The following POLR1F variants were observed in gnomAD, a reference collection of about 807,000 sequenced individuals.
POLR1F encodes DNA-directed RNA polymerase I subunit RPA43.
Under a neutral mutation model 21.8 loss-of-function variants are expected in POLR1F, and 23 were observed. The ratio of observed to expected loss-of-function variants is 1.05; its 90% CI spans 0.76 to 1.49. The LOEUF (loss-of-function observed/expected upper bound fraction) is 1.49. Among genes scored for constraint, POLR1F ranks in the 40% most tolerant of loss-of-function variants. POLR1F has a pLI of 0.00. For missense variants in POLR1F, 435 were observed against 412.1 expected (o/e 1.06, Z -0.48); for synonymous variants, 162 against 152.8 (o/e 1.06, Z -0.45).
intron 2 of POLR1F, among the ~76,000 whole-genome samples, chr7:19,702,553 A>G (rs1783459398): frequency 1.3e-5 from 2 of 152,238 alleles, no homozygotes; most frequent in Admixed American, 6.5e-5. Flanking sequence ...TCATAAACAT[A>G]TAAAATGATA....
intron 3 of POLR1F, among the ~76,000 whole-genome samples, chr7:19,699,430 T>C (rs534391990): frequency 3.0e-4 from 46 of 152,190 alleles, no homozygotes; most frequent in Non-Finnish European, 5.1e-4. Context: ...GTGAGGCTGC[T>C]GTACTATGTA....
At position 19,696,903 on chromosome 7, in the gene POLR1F, T is replaced by C. The variant is rs1251410770; in HGVS notation, c.*1413A>G. Reference sequence around the variant, plus strand: ...ACATTTCCAGGGCTCAATAGTCACATGAATCTCAATTGTAATCAAAGAGGT... The same window carrying C: ...ACATTTCCAGGGCTCAATAGTCACACGAATCTCAATTGTAATCAAAGAGGT... On this transcript the variant is annotated 3_prime_UTR_variant, in exon 4 of 4. Coordinates refer to ENST00000222567, the MANE Select transcript of POLR1F (RefSeq NM_001002926.2). 1.3e-5 allele frequency: 2 copies of C among 152,116 alleles called. No homozygotes were observed. Among genetic ancestry groups the C allele is most frequent in the African/African-American group, 4.8e-5 (2 of 41,458 alleles). 9.4% of individuals were successfully genotyped at this position (152,116 alleles called of 1,614,324 possible).
rs1783401621 is a variant in POLR1F, at chr7:19,698,386, CTG to C, written c.945_946del (p.His315GlnfsTer2). ...AGGTGGGGTAAATTCGGCCTCTTCA[CTG>C]TGTTTTCTTTTCTTTTTTTTCTTTT... On this transcript the variant is annotated frameshift_variant, in exon 4 of 4. Transcript: ENST00000222567. LOFTEE classifies it low-confidence loss of function (END_TRUNC). 1.3e-6 allele frequency: 2 copies of C among 1,597,364 alleles called. No individual in the cohort carries two copies. The highest frequency in any genetic ancestry group is 1.4e-5 in the African/African-American group (1 of 73,496).
intron 2 of POLR1F, among the ~76,000 whole-genome samples, chr7:19,704,263 A>G (rs1011035810): frequency 6.6e-6 from 1 of 152,232 alleles, no homozygotes; most frequent in Non-Finnish European, 1.5e-5. Flanking sequence ...AGAGTAAAAA[A>G]GGATCTATTT....
At chr7:19,708,626 G>T in intron 1 of POLR1F, 137 bp downstream of exon 1, 1 of 1,238,774 alleles carries the variant, frequency 8.1e-7, no homozygotes, top group Non-Finnish European at 1.1e-6. Flanking sequence ...GACGGATCGC[G>T]ACTCTAGAAA....
intron 1 of POLR1F, 93 bp downstream of exon 1, chr7:19,708,670 C>G: frequency 2.0e-6 from 3 of 1,525,644 alleles, no homozygotes; most frequent in Non-Finnish European, 2.7e-6. Flanking sequence ...GCAATGCGAC[C>G]TTTGCCATTT....
At chr7:19,698,790 A>G in intron 3 of POLR1F, 63 bp from the exon 4 acceptor site, 1 of 1,341,948 alleles carries the variant, frequency 7.5e-7, no homozygotes. Flanking sequence ...ACAAATTGAG[A>G]TCAAGATATC....
At position 19,700,210 on chromosome 7, in the gene POLR1F, G is replaced by A. The variant is rs771818724; in HGVS notation, c.467C>T (p.Pro156Leu). Residue 156 changes from proline to leucine, a missense_variant, in exon 3 of 4, where the codon CCT becomes CTT. Coordinates refer to ENST00000222567, the MANE Select transcript of POLR1F (RefSeq NM_001002926.2). ...LVHGCFNASI[P>L]KPEQLSAEQW... ...CTCAGCTGACAACTGCTCAGGTTTA[G>A]GAATGGAGGCATTGAAACACCCATG... The A allele has an allele frequency of 6.2e-7, 1 of 1,613,876 alleles. No individual in the cohort carries two copies. The highest frequency in any genetic ancestry group is 1.1e-5 in the South Asian group (1 of 91,086).
intron 2 of POLR1F, among the ~76,000 whole-genome samples, chr7:19,703,370 C>T (rs981564702): frequency 1.3e-5 from 2 of 152,168 alleles, no homozygotes; most frequent in African/African-American, 4.8e-5. Context: ...GAATGGTATA[C>T]AGACCTGACG....
intron 1 of POLR1F, among the ~76,000 whole-genome samples, chr7:19,708,223 G>A (rs982472192): frequency 2.0e-5 from 3 of 152,140 alleles, no homozygotes; most frequent in Non-Finnish European, 2.9e-5. Context: ...ATAATCCCCA[G>A]ATCAGGTCCA....
At chr7:19,707,759 C>A (rs541723106) in intron 1 of POLR1F, among the ~76,000 whole-genome samples, 2 of 152,210 alleles carry the variant, frequency 1.3e-5, no homozygotes, top group African/African-American at 4.8e-5. Flanking sequence ...CTCCTTGAAA[C>A]AGAGATTTTA....
chr7:19,700,140 A>G lies in POLR1F; in HGVS notation c.537T>C (p.Phe179=). ...MEINMGDELE[F]EVFRLDSDAA... Reference sequence around the variant, plus strand: ...CATCTGAGTCTAAACGAAATACTTCAAATTCTAGTTCATCACCCATGTTTA... The same window carrying G: ...CATCTGAGTCTAAACGAAATACTTCGAATTCTAGTTCATCACCCATGTTTA... The change falls in exon 3 of 4, where the codon TTT becomes TTC. Residue 179 remains phenylalanine (F), a synonymous_variant. Transcript: ENST00000222567. The G allele has an allele frequency of 6.2e-7, 1 of 1,613,958 alleles. No homozygotes were observed. The highest frequency in any genetic ancestry group is 8.5e-7 in the Non-Finnish European group (1 of 1,179,844).
In POLR1F at chr7:19,708,991, G is replaced by A. The variant is rs1292710595; in HGVS notation, c.26C>T (p.Pro9Leu). 3 of 1,594,360 alleles carry A rather than the reference G, an allele frequency of 1.9e-6. No homozygotes were observed. The highest frequency in any genetic ancestry group is 2.2e-5 in the East Asian group (1 of 44,480). MAAGCSEA[P>L]RPAAASDGSL... The stretch of plus-strand genomic sequence containing the variant: ...CCCATCAGAAGCCGCCGCTGGCCGC[G>A]GCGCCTCTGAGCAACCTGCAGCCAT... The change falls in exon 1 of 4, where the codon CCG (proline) becomes CTG (leucine). Residue 9 changes from proline (P) to leucine (L), a missense_variant. Coordinates refer to ENST00000222567, the MANE Select transcript of POLR1F (RefSeq NM_001002926.2).
chr7:19,696,765 C>T lies in POLR1F; in HGVS notation c.*1551G>A, dbSNP rs1055976054. 1.3e-5 allele frequency: 2 copies of T among 151,826 alleles called. No individual in the cohort carries two copies. The highest frequency in any genetic ancestry group is 2.4e-5 in the African/African-American group (1 of 41,360). The allele number at this position is 151,826 out of a possible 1,614,324, so 9.4% of individuals were successfully genotyped here. On this transcript the variant is annotated 3_prime_UTR_variant, in exon 4 of 4. Coordinates refer to ENST00000222567, the MANE Select transcript of POLR1F (RefSeq NM_001002926.2). ...AATTGTTTTATTTAAGCCACTATAC[C>T]AAGACATATTGATTTCACCAATATA...
chr7:19,704,813 A>C lies in POLR1F; in HGVS notation c.362T>G (p.Val121Gly), dbSNP rs1783496319. Reference protein sequence around the residue: ...HIHLNIEADFVIFCPEPGQKL... With the variant: ...HIHLNIEADFGIFCPEPGQKL... ...CTGCCCTGGTTCAGGGCAGAAAATA[A>C]CAAAATCGGCTTCAATGTTAAGATG... Residue 121 changes from valine to glycine, a missense_variant, in exon 2 of 4, where the codon GTT (valine) becomes GGT (glycine). Val to Gly is a moderately radical substitution (Grantham distance 109). Coordinates refer to ENST00000222567, the MANE Select transcript of POLR1F (RefSeq NM_001002926.2). The C allele has an allele frequency of 1.9e-6, 3 of 1,607,814 alleles. No homozygotes were observed. Among genetic ancestry groups the C allele is most frequent in the Non-Finnish European group, 2.5e-6 (3 of 1,178,226 alleles).
At chr7:19,705,988 C>CT in intron 1 of POLR1F, among the ~76,000 whole-genome samples, 1 of 152,308 alleles carries the variant, frequency 6.6e-6, no homozygotes, top group Non-Finnish European at 1.5e-5. Flanking sequence ...AACTTTCTCA[C>CT]TGTTCTTAAT....
intron 1 of POLR1F, among the ~76,000 whole-genome samples, chr7:19,707,463 T>G (rs1783546457): frequency 6.6e-6 from 1 of 152,190 alleles, no homozygotes. Context: ...CCCCCTGCCC[T>G]CCTCTCCAAT....
Position 19,696,770 on chromosome 7 carries a change from CAT to C in POLR1F, c.*1544_*1545del, listed in dbSNP as rs1452992177. On this transcript the variant is annotated 3_prime_UTR_variant, in exon 4 of 4. Coordinates refer to ENST00000222567, the MANE Select transcript of POLR1F (RefSeq NM_001002926.2). ...TTTTATTTAAGCCACTATACCAAGA[CAT>C]ATTGATTTCACCAATATAAAAATTG... is the stretch of plus-strand genomic sequence containing the variant. 7 of 152,064 alleles carry C rather than the reference CAT, an allele frequency of 4.6e-5. No individual in the cohort carries two copies. Among genetic ancestry groups the C allele is most frequent in the Non-Finnish European group, 7.4e-5 (5 of 67,944 alleles). 9.4% of individuals were successfully genotyped at this position (152,064 alleles called of 1,614,324 possible).
intron 2 of POLR1F, among the ~76,000 whole-genome samples, chr7:19,700,944 A>C (rs771064712): frequency 1.3e-5 from 2 of 152,222 alleles, no homozygotes; most frequent in African/African-American, 4.8e-5. Flanking sequence ...CTTTGCATAA[A>C]ACTTATTTTT....
Sources: allele counts gnomAD v4.1 joint callset (sites outside exome capture counted in the v4.1 genomes callset), GRCh38; gene constraint gnomAD v4.1.1; transcripts MANE v1.5; gene names NCBI Gene and HGNC (gene_info 2026-07-23, HGNC 2026-07-21).